Variants in PTPN3 observed in about 807,000 individuals in gnomAD.
PTPN3 encodes the protein tyrosine-protein phosphatase non-receptor type 3.
Under a neutral mutation model 132.7 loss-of-function variants are expected in PTPN3, and 96 were observed. That is an observed-to-expected ratio of 0.72 (90% confidence interval 0.61 to 0.86). PTPN3 has a LOEUF of 0.86. Among genes scored for constraint, PTPN3 ranks in the 40% least tolerant of loss-of-function variants. The pLI, the probability that PTPN3 is intolerant of heterozygous loss-of-function variation, is 0.00. For synonymous variants in PTPN3, 398 were observed against 429.0 expected, an observed-to-expected ratio of 0.93 and a Z score of 0.89; for missense variants, 1,125 against 1,159.6, an observed-to-expected ratio of 0.97 and a Z score of 0.43.
At chr9:109,419,908 C>T (rs1165872063) in intron 14 of PTPN3, among the ~76,000 whole-genome samples, 5 of 152,272 alleles carry the variant, frequency 3.3e-5, no homozygotes, top group African/African-American at 1.2e-4. Context: ...CAAAAAATTT[C>T]TCAAAGAAAA....
rs191316028 is a variant in PTPN3, at chr9:109,406,325, C to T, written c.1792+137G>A. On this transcript the variant is annotated intron_variant, in intron 18 of 25. Coordinates refer to ENST00000374541, the MANE Select transcript of PTPN3 (RefSeq NM_002829.4). ...TTTTTCAAGTGAGAAGCCAAACATT[C>T]GGTTATTACCTGAAGATTCTTGATT... The T allele has an allele frequency of 9.9e-4, 1,159 of 1,176,430 alleles. 1 individual carries two copies. The highest frequency in any genetic ancestry group is 1.5e-3 in the Middle Eastern group (5 of 3,338). The allele number at this position is 1,176,430 out of a possible 1,614,324, so 72.9% of individuals were successfully genotyped here.
At chr9:109,448,619 C>A (rs1461398321) in intron 6 of PTPN3, among the ~76,000 whole-genome samples, 192 bp downstream of exon 6, 1 of 152,118 alleles carries the variant, frequency 6.6e-6, no homozygotes, top group Non-Finnish European at 1.5e-5. Flanking sequence ...ACAAAGTTAT[C>A]AATCCTTAGC....
At chr9:109,480,793 C>T (rs1235113234) in intron 1 of PTPN3, among the ~76,000 whole-genome samples, 1 of 152,168 alleles carries the variant, frequency 6.6e-6, no homozygotes, top group East Asian at 1.9e-4. Flanking sequence ...CATCCCTACA[C>T]AAAAAGGCTG....
At chr9:109,457,080 C>T in intron 4 of PTPN3, 93 bp downstream of exon 4, 1 of 1,328,954 alleles carries the variant, frequency 7.5e-7, no homozygotes, top group South Asian at 1.3e-5. Context: ...ACTACAGGTA[C>T]CAGATGTCAC....
chr9:109,454,466 A>G, intron 5 of PTPN3, 30 bp downstream of exon 5: 1 of 1,575,596 alleles, frequency 6.3e-7, no homozygotes, highest in Non-Finnish European at 8.7e-7. Context: ...TTTATACACT[A>G]AACAGAAAAC....
chr9:109,486,280 AG>A (rs144819410), intron 1 of PTPN3, among the ~76,000 whole-genome samples: 38 of 152,368 alleles, frequency 2.5e-4, no homozygotes, highest in African/African-American at 8.9e-4. Context: ...GATGGGGAAA[AG>A]CAAGGCCAGA....
chr9:109,489,461 T>C (rs953203237), intron 1 of PTPN3, among the ~76,000 whole-genome samples: 3 of 152,168 alleles, frequency 2.0e-5, no homozygotes, highest in Non-Finnish European at 2.9e-5. Context: ...TGCACTGATC[T>C]CAACCTCGAA....
intron 24 of PTPN3, 123 bp downstream of exon 24, chr9:109,382,179 C>T (rs903550325): frequency 4.1e-6 from 5 of 1,230,218 alleles, no homozygotes; most frequent in Non-Finnish European, 5.6e-6. Context: ...CCACAGTCAA[C>T]AGAGGTTTGT....
rs1838596552 is a variant in PTPN3 at position 109,376,893 on chromosome 9, C to T, written c.*2663G>A. ...ATTTCCTGGATTTGTTCCTGGCAACCTCGCTGGGTCTGAACTGCTGGCCTG... is the reference window on the plus strand; with the variant it reads ...ATTTCCTGGATTTGTTCCTGGCAACTTCGCTGGGTCTGAACTGCTGGCCTG... On this transcript the variant is annotated 3_prime_UTR_variant, in exon 26 of 26. Coordinates refer to ENST00000374541, the MANE Select transcript of PTPN3 (RefSeq NM_002829.4). 1 of 152,206 alleles carries T rather than the reference C, an allele frequency of 6.6e-6. No homozygotes were observed. The highest frequency in any genetic ancestry group is 2.1e-4 in the South Asian group (1 of 4,832). 9.4% of individuals were successfully genotyped at this position (152,206 alleles called of 1,614,324 possible).
At chr9:109,530,990 G>A in the PTPN3 span, among the ~76,000 whole-genome samples, 1 of 152,048 alleles carries the variant, frequency 6.6e-6, no homozygotes, top group African/African-American at 2.4e-5. Context: ...TATGTGATTT[G>A]CAGATATTTT....
the PTPN3 span, among the ~76,000 whole-genome samples, chr9:109,507,480 C>T: frequency 6.6e-6 from 1 of 152,244 alleles, no homozygotes; most frequent in Non-Finnish European, 1.5e-5. Context: ...TTCAGCCTGC[C>T]CAGTGATCTG....
intron 5 of PTPN3, chr9:109,449,221 G>A: frequency 3.8e-6 from 4 of 1,048,230 alleles, no homozygotes; most frequent in Non-Finnish European, 4.6e-6. Flanking sequence ...CAGGGGCTCT[G>A]CACAAGCGGC....
chr9:109,514,358 A>G, the PTPN3 span, among the ~76,000 whole-genome samples: 142 of 152,310 alleles, frequency 9.3e-4, no homozygotes, highest in Non-Finnish European at 7.5e-4. Context: ...TTGAAGTCCA[A>G]ACTCCTTAGT....
intron 2 of PTPN3, among the ~76,000 whole-genome samples, chr9:109,458,395 A>G (rs1401837748): frequency 1.3e-5 from 2 of 152,232 alleles, no homozygotes. Flanking sequence ...TTCTACTTTA[A>G]CAGGCAGACT....
At chr9:109,532,328 T>C in the PTPN3 span, among the ~76,000 whole-genome samples, 1 of 152,202 alleles carries the variant, frequency 6.6e-6, no homozygotes, top group Non-Finnish European at 1.5e-5. Flanking sequence ...CTTCAGGAAG[T>C]ATGGAACAGA....
chr9:109,458,663 G>A (rs959534457), intron 2 of PTPN3, among the ~76,000 whole-genome samples: 2 of 152,020 alleles, frequency 1.3e-5, no homozygotes, highest in African/African-American at 4.8e-5. Context: ...TCCTGAACAT[G>A]CCCCCTTTCC....
At chr9:109,470,493 T>G (rs1846323525) in intron 1 of PTPN3, among the ~76,000 whole-genome samples, 1 of 151,486 alleles carries the variant, frequency 6.6e-6, no homozygotes, top group Non-Finnish European at 1.5e-5. Context: ...GGTATTCCCT[T>G]CTAAAGATAA....
intron 19 of PTPN3, among the ~76,000 whole-genome samples, chr9:109,402,709 C>T (rs2131707783): frequency 7.5e-6 from 1 of 133,992 alleles, no homozygotes; most frequent in African/African-American, 2.9e-5. Context: ...AGTTACTACC[C>T]TTTTATCCAG....
At chr9:109,413,690 A>T (rs1842257272) in intron 14 of PTPN3, among the ~76,000 whole-genome samples, 1 of 152,136 alleles carries the variant, frequency 6.6e-6, no homozygotes, top group Non-Finnish European at 1.5e-5. Flanking sequence ...CGGGGAAGAC[A>T]CCATGGAAGA....
Sources: allele counts gnomAD v4.1 joint callset (sites outside exome capture counted in the v4.1 genomes callset), GRCh38; gene constraint gnomAD v4.1.1; transcripts MANE v1.5; gene names NCBI Gene and HGNC (gene_info 2026-07-23, HGNC 2026-07-21).